The following PCDHA1 variants were observed in gnomAD, a reference collection of about 807,000 sequenced individuals.
PCDHA1 encodes the protein protocadherin alpha-1.
PCDHA1 carries 42 observed loss-of-function variants against 61.3 expected under a neutral mutation model. The ratio of observed to expected loss-of-function variants is 0.69; its 90% CI spans 0.54 to 0.89. PCDHA1 has a LOEUF of 0.89. PCDHA1 is among the 40% of genes least tolerant of loss of function. The pLI is 0.00. For synonymous variants in PCDHA1, 610 were observed against 553.8 expected (o/e 1.10, Z -1.43); for missense variants, 1,256 against 1,235.3 (o/e 1.02, Z -0.25).
At chr5:140,931,758 A>G (rs1374881766) in intron 1 of PCDHA1, among the ~76,000 whole-genome samples, 1 of 151,944 alleles carries the variant, frequency 6.6e-6, no homozygotes, top group African/African-American at 2.4e-5. Flanking sequence ...GGCATTTGTT[A>G]TTTACTTCTT....
In PCDHA1 at chr5:140,857,722, C is replaced by A. The variant is rs371525843; in HGVS notation, c.2394+69038C>A. The A allele has an allele frequency of 6.9e-6, 11 of 1,597,318 alleles. 1 individual carries two copies. Among genetic ancestry groups the A allele is most frequent in the Non-Finnish European group, 9.4e-6 (11 of 1,167,728 alleles). On this transcript the variant is annotated intron_variant, in intron 1 of 3. Coordinates refer to ENST00000504120, the MANE Select transcript of PCDHA1 (RefSeq NM_018900.4). ...TGCAGGTGTTCGTGCTGGACGAGAA[C>A]GACAACGCTCCCGCGCTGCTGGCGT... is the stretch of plus-strand genomic sequence containing the variant.
chr5:140,962,708 A>G (rs982426662), intron 1 of PCDHA1, among the ~76,000 whole-genome samples: 1 of 152,240 alleles, frequency 6.6e-6, no homozygotes, highest in African/African-American at 2.4e-5. Context: ...CTATAATCAT[A>G]TTGGAAAGTA....
chr5:141,005,584 C>T (rs1307831783), intron 3 of PCDHA1, among the ~76,000 whole-genome samples: 2 of 151,062 alleles, frequency 1.3e-5, no homozygotes, highest in Non-Finnish European at 2.9e-5. Context: ...TGCCTGTAGT[C>T]CCAGCTACAC....
rs560404461 is a variant in PCDHA1, at chr5:140,857,491, G to T, written c.2394+68807G>T. The T allele has an allele frequency of 3.1e-5, 49 of 1,598,340 alleles. 2 individuals are homozygous for T. The highest frequency in any genetic ancestry group is 2.8e-4 in the South Asian group (25 of 90,546). On this transcript the variant is annotated intron_variant, in intron 1 of 3. Transcript: ENST00000504120. Reference sequence around the variant, plus strand: ...TCTTCACGGTGTCTGCGTGGGACGCGGACGCGCAGGAGAACGCCCTGGTGT... The same window carrying T: ...TCTTCACGGTGTCTGCGTGGGACGCTGACGCGCAGGAGAACGCCCTGGTGT...
intron 1 of PCDHA1, chr5:140,876,771 T>C: frequency 6.2e-7 from 1 of 1,614,228 alleles, no homozygotes; most frequent in African/African-American, 1.3e-5. Flanking sequence ...GGGGCTCGCC[T>C]TCGCTGTGGG....
intron 1 of PCDHA1, chr5:140,863,121 G>C (rs1554157790): frequency 1.7e-6 from 1 of 592,122 alleles, no homozygotes; most frequent in South Asian, 1.4e-5. Flanking sequence ...CGAAAGCTAC[G>C]CGCCACCGCC....
At chr5:140,825,237 C>T (rs1262256044) in intron 1 of PCDHA1, 3 of 151,300 alleles carry the variant, frequency 2.0e-5, no homozygotes, top group Admixed American at 6.6e-5. Context: ...TTATCTGGAT[C>T]TATGGTGTTC....
intron 1 of PCDHA1, among the ~76,000 whole-genome samples, chr5:140,895,524 G>A (rs891938988): frequency 2.3e-4 from 35 of 152,128 alleles, no homozygotes; most frequent in African/African-American, 7.2e-4. Context: ...TGGTTTATTC[G>A]TTTTTCAATT....
At chr5:140,934,508 C>G (rs2089875994) in intron 1 of PCDHA1, among the ~76,000 whole-genome samples, 1 of 152,096 alleles carries the variant, frequency 6.6e-6, no homozygotes, top group African/African-American at 2.4e-5. Flanking sequence ...CCCAAAGGGT[C>G]CATAGACCAC....
chr5:140,935,353 T>C (rs2090328143), intron 1 of PCDHA1, among the ~76,000 whole-genome samples: 1 of 152,184 alleles, frequency 6.6e-6, no homozygotes, highest in Non-Finnish European at 1.5e-5. Flanking sequence ...CAAATCCCAG[T>C]TTTCATTAAC....
chr5:140,983,207 T>A (rs999147697), intron 3 of PCDHA1, among the ~76,000 whole-genome samples: 1 of 152,236 alleles, frequency 6.6e-6, no homozygotes, highest in Non-Finnish European at 1.5e-5. Flanking sequence ...TAATAGGGAC[T>A]ATTTCCTAAT....
intron 1 of PCDHA1, chr5:140,871,318 G>A (rs546803828): frequency 9.9e-6 from 16 of 1,614,072 alleles, no homozygotes; most frequent in Middle Eastern, 1.7e-4. Context: ...GCCCACGCTG[G>A]TGTGCTCCCG....
At chr5:140,801,486 G>T (rs1392326756) in intron 1 of PCDHA1, 2 of 1,614,122 alleles carry the variant, frequency 1.2e-6, no homozygotes, top group African/African-American at 2.7e-5. Flanking sequence ...GGAACTGTGC[G>T]GGCGGAGCGC....
chr5:140,940,494 G>C (rs553813143), intron 1 of PCDHA1, among the ~76,000 whole-genome samples: 1 of 151,724 alleles, frequency 6.6e-6, no homozygotes, highest in East Asian at 1.9e-4. Context: ...GACAAGTCTT[G>C]CTCCGTCGCT....
In PCDHA1 at chr5:141,006,011, G is replaced by A. The variant is rs146101776; in HGVS notation, c.2543-3616G>A. Among the ~76,000 whole-genome samples the A allele has an allele frequency of 2.7e-3, 408 of 151,544 alleles. 2 individuals carry two copies. Among genetic ancestry groups the A allele is most frequent in the African/African-American group, 8.8e-3 (365 of 41,422 alleles). Reference sequence around the variant, plus strand: ...GAGGATCTGAAAGAAGGCCTGTATGGTTGGAGTATAATAGTAAGAGGGAGA... The same window carrying A: ...GAGGATCTGAAAGAAGGCCTGTATGATTGGAGTATAATAGTAAGAGGGAGA... On this transcript the variant is annotated intron_variant, in intron 3 of 3. Coordinates refer to ENST00000504120, the MANE Select transcript of PCDHA1 (RefSeq NM_018900.4).
In PCDHA1 at chr5:140,786,602, C is replaced by A; in HGVS notation, c.312C>A (p.Ile104=). The A allele has an allele frequency of 6.2e-7, 1 of 1,614,258 alleles. No individual in the cohort carries two copies. The highest frequency in any genetic ancestry group is 1.1e-5 in the South Asian group (1 of 91,090). ...ELCQWSAECS[I]HLELIADRPL... Reference sequence around the variant, plus strand: ...GCCAGTGGAGCGCGGAGTGCAGCATCCACCTGGAGTTGATCGCCGACAGGC... The same window carrying A: ...GCCAGTGGAGCGCGGAGTGCAGCATACACCTGGAGTTGATCGCCGACAGGC... Residue 104 remains isoleucine, a synonymous_variant, in exon 1 of 4, where the codon ATC becomes ATA. Transcript: ENST00000504120.
chr5:140,881,505 CACAT>C (rs2058738073), intron 1 of PCDHA1: 1 of 242,822 alleles, frequency 4.1e-6, no homozygotes, highest in African/African-American at 2.3e-5. Flanking sequence ...TACACACACT[CACAT>C]ACAAAATCCC....
Position 140,857,655 on chromosome 5 carries a change from C to G in PCDHA1, c.2394+68971C>G, listed in dbSNP as rs782490979. 3.1e-6 allele frequency: 5 copies of G among 1,596,614 alleles called. No homozygotes were observed. The Admixed American group carries it at 6.7e-5, about 22-fold the overall frequency. ...GAGCTGCTACAGTTCCAGGTGAGCG[C>G]GCGCGATGGGGGCGTGCCGCCTCTG... On this transcript the variant is annotated intron_variant, in intron 1 of 3. Transcript: ENST00000504120.
intron 1 of PCDHA1, among the ~76,000 whole-genome samples, chr5:140,963,203 AAAAC>A (rs1457721166): frequency 6.6e-6 from 1 of 152,100 alleles, no homozygotes; most frequent in African/African-American, 2.4e-5. Context: ...AATGAAAAAA[AAAAC>A]CTCGTGTTTA....
Sources: allele counts gnomAD v4.1 joint callset (sites outside exome capture counted in the v4.1 genomes callset), GRCh38; gene constraint gnomAD v4.1.1; transcripts MANE v1.5; gene names NCBI Gene and HGNC (gene_info 2026-07-23, HGNC 2026-07-21).